The following ITFG1 variants were observed in gnomAD, a reference collection of about 807,000 sequenced individuals.
ITFG1 encodes the protein integrin alpha FG-GAP repeat containing 1.
Under a neutral mutation model 81.8 loss-of-function variants are expected in ITFG1, and 34 were observed. The ratio of observed to expected loss-of-function variants is 0.42; its 90% CI spans 0.32 to 0.55. ITFG1 has a LOEUF of 0.55. ITFG1 is among the 20% of genes least tolerant of loss of function. ITFG1 has a pLI of 0.17. For missense variants in ITFG1, 672 were observed against 755.4 expected (o/e 0.89, Z 1.29); for synonymous variants, 285 against 270.6 (o/e 1.05, Z -0.52).
chr16:47,362,429 G>T (rs370168934), intron 8 of ITFG1, among the ~76,000 whole-genome samples: 7 of 152,048 alleles, frequency 4.6e-5, no homozygotes, highest in African/African-American at 1.7e-4. Flanking sequence ...TAATAAAAAA[G>T]GTATTAACAA....
At chr16:47,401,365 G>T (rs1596959085) in intron 6 of ITFG1, among the ~76,000 whole-genome samples, 1 of 152,140 alleles carries the variant, frequency 6.6e-6, no homozygotes, top group Admixed American at 6.5e-5. Flanking sequence ...TTTGGGAGCT[G>T]GTAGCATAAC....
rs1969203609 is a variant in ITFG1 at position 47,438,697 on chromosome 16, T to C, written c.561-9799A>G. On this transcript the variant is annotated intron_variant, in intron 5 of 17. Transcript: ENST00000320640. ...AAAACTCATCTATACGTCACCATCA[T>C]CAAAGACCAAAGGTAGATAAAACCA... is the stretch of plus-strand genomic sequence containing the variant. Among the ~76,000 whole-genome samples the C allele has an allele frequency of 2.0e-5, 3 of 152,074 alleles. No individual in the cohort carries two copies. The South Asian group carries it at 6.2e-4, about 32-fold the overall frequency.
At chr16:47,425,423 T>A (rs1969007540) in intron 6 of ITFG1, among the ~76,000 whole-genome samples, 1 of 152,144 alleles carries the variant, frequency 6.6e-6, no homozygotes, top group South Asian at 2.1e-4. Context: ...CACCCCACCC[T>A]GCTTCAGCTT....
chr16:47,388,183 G>C (rs1194575749), intron 6 of ITFG1, among the ~76,000 whole-genome samples: 1 of 151,972 alleles, frequency 6.6e-6, no homozygotes, highest in Non-Finnish European at 1.5e-5. Flanking sequence ...AAAATGAAAA[G>C]AATCTCAAAG....
chr16:47,395,864 T>A (rs746252995), intron 6 of ITFG1, among the ~76,000 whole-genome samples: 1 of 152,250 alleles, frequency 6.6e-6, no homozygotes, highest in Non-Finnish European at 1.5e-5. Context: ...TATTGCCTCA[T>A]GTCTATCGTC....
In ITFG1 at chr16:47,155,225, A is replaced by C. The variant is rs1395711676; in HGVS notation, c.*494T>G. 1 of 152,372 alleles carries C rather than the reference A, an allele frequency of 6.6e-6. No homozygotes were observed. The highest frequency in any genetic ancestry group is 6.5e-5 in the Admixed American group (1 of 15,284). The allele number at this position is 152,372 out of a possible 1,614,324, so 9.4% of individuals were successfully genotyped here. On this transcript the variant is annotated 3_prime_UTR_variant, in exon 18 of 18. Coordinates refer to ENST00000320640, the MANE Select transcript of ITFG1 (RefSeq NM_030790.5). ...GTCTGTCTTACTGTGCTACCAAGTC[A>C]GAGTACCCGATCACTATATTGTATG...
At chr16:47,413,945 C>T (rs897856774) in intron 6 of ITFG1, among the ~76,000 whole-genome samples, 4 of 151,782 alleles carry the variant, frequency 2.6e-5, no homozygotes, top group Middle Eastern at 3.2e-3. Flanking sequence ...CTCAGCCTCC[C>T]GAGTAGCTGG....
At chr16:47,402,957 T>C (rs983847560) in intron 6 of ITFG1, among the ~76,000 whole-genome samples, 1 of 152,212 alleles carries the variant, frequency 6.6e-6, no homozygotes, top group Non-Finnish European at 1.5e-5. Flanking sequence ...CAATAACTAA[T>C]ATACTGCACT....
intron 6 of ITFG1, among the ~76,000 whole-genome samples, chr16:47,403,198 C>T (rs1968684353): frequency 6.6e-6 from 1 of 151,356 alleles, no homozygotes. Flanking sequence ...CACTTAATTA[C>T]ACCAAGCCAA....
At position 47,317,563 on chromosome 16, in the gene ITFG1, C is replaced by T. The variant is rs186755117; in HGVS notation, c.803-3740G>A. 828 of 152,332 alleles carry T rather than the reference C, an allele frequency of 5.4e-3. 9 individuals carry two copies. Among genetic ancestry groups the T allele is most frequent in the Non-Finnish European group, 7.0e-3 (479 of 68,044 alleles). The allele number at this position is 152,332 out of a possible 1,614,324, so 9.4% of individuals were successfully genotyped here. A position where few individuals can be genotyped will look rare whatever the true frequency, so the allele number is the denominator to read the frequency against. ...CTCTAAAGCAGTGGTTCTGCAGCCT[C>T]TGAATCGGCTGGGAAGTTGTTGGAC... On this transcript the variant is annotated intron_variant, in intron 8 of 17. Coordinates refer to ENST00000320640, the MANE Select transcript of ITFG1 (RefSeq NM_030790.5).
At chr16:47,341,184 G>A (rs559224834) in intron 8 of ITFG1, among the ~76,000 whole-genome samples, 1 of 151,934 alleles carries the variant, frequency 6.6e-6, no homozygotes, top group Non-Finnish European at 1.5e-5. Context: ...AGAGGCTGAG[G>A]CAAGAGGATT....
chr16:47,361,236 T>C (rs1968105011), intron 8 of ITFG1, among the ~76,000 whole-genome samples: 1 of 152,104 alleles, frequency 6.6e-6, no homozygotes. Flanking sequence ...TCTGTATAAT[T>C]TATAAATAAA....
At chr16:47,455,554 AG>A (rs1191526635) in intron 2 of ITFG1, among the ~76,000 whole-genome samples, 3 of 151,900 alleles carry the variant, frequency 2.0e-5, no homozygotes, top group African/African-American at 7.3e-5. Context: ...GGATCACTTG[AG>A]GTCAGGAATT....
At chr16:47,398,470 T>C (rs1249861997) in intron 6 of ITFG1, among the ~76,000 whole-genome samples, 4 of 152,252 alleles carry the variant, frequency 2.6e-5, no homozygotes, top group African/African-American at 9.6e-5. Flanking sequence ...GCTTCTAGAT[T>C]TGTACCAGTT....
At chr16:47,273,628 A>G (rs1004604842) in intron 10 of ITFG1, among the ~76,000 whole-genome samples, 4 of 152,160 alleles carry the variant, frequency 2.6e-5, no homozygotes, top group Non-Finnish European at 5.9e-5. Context: ...ACCTGAATGA[A>G]AAAAGGAAGC....
chr16:47,400,615 A>G (rs1488287824), intron 6 of ITFG1, among the ~76,000 whole-genome samples: 2 of 152,180 alleles, frequency 1.3e-5, no homozygotes, highest in East Asian at 3.8e-4. Flanking sequence ...AGTACACAGA[A>G]TAGTGGTCAT....
intron 8 of ITFG1, among the ~76,000 whole-genome samples, chr16:47,336,737 C>T (rs973762283): frequency 6.6e-5 from 10 of 151,298 alleles, no homozygotes; most frequent in South Asian, 2.1e-4. Flanking sequence ...GCCGAGGAGG[C>T]GGGTCACCTG....
At position 47,417,224 on chromosome 16, in the gene ITFG1, T is replaced by A. The variant is rs186254201; in HGVS notation, c.655+11580A>T. Among the ~76,000 whole-genome samples, 6 of 152,314 alleles carry A rather than the reference T, an allele frequency of 3.9e-5. No individual in the cohort carries two copies. The East Asian group carries it at 1.2e-3, about 29-fold the overall frequency. ...GTTCTATATAACACAACTACAATAATTAACATTTTAAAACTTCCTCATATA... is the reference window on the plus strand; with the variant it reads ...GTTCTATATAACACAACTACAATAAATAACATTTTAAAACTTCCTCATATA... On this transcript the variant is annotated intron_variant, in intron 6 of 17. Transcript: ENST00000320640.
intron 14 of ITFG1, among the ~76,000 whole-genome samples, chr16:47,183,115 G>A (rs1394010923): frequency 6.6e-6 from 1 of 152,246 alleles, no homozygotes; most frequent in African/African-American, 2.4e-5. Flanking sequence ...CTCGCACCTG[G>A]CTTGGAGGGT....
Sources: gnomAD v4.1 joint callset for allele counts (sites outside exome capture counted in the v4.1 genomes callset) on GRCh38, gnomAD v4.1.1 for gene constraint, MANE v1.5 for transcripts, NCBI Gene and HGNC (gene_info 2026-07-23, HGNC 2026-07-21) for gene names.